Variants in DEPTOR observed in about 807,000 individuals in gnomAD.
DEPTOR encodes DEP domain-containing mTOR-interacting protein.
Under a neutral mutation model 41.6 loss-of-function variants are expected in DEPTOR, and 41 were observed. The ratio of observed to expected loss-of-function variants is 0.98; its 90% CI spans 0.77 to 1.28. The LOEUF (loss-of-function observed/expected upper bound fraction) is 1.28. Ranked by LOEUF, DEPTOR falls within the 50% of genes most tolerant of loss-of-function variation. DEPTOR has a pLI of 0.00. For missense variants in DEPTOR, 514 were observed against 527.9 expected, an observed-to-expected ratio of 0.97 and a Z score of 0.26; for synonymous variants, 195 against 192.3, an observed-to-expected ratio of 1.01 and a Z score of -0.12.
At chr8:120,006,965 A>G in intron 7 of DEPTOR, 90 bp downstream of exon 7, 1 of 1,227,258 alleles carries the variant, frequency 8.1e-7, no homozygotes, top group Non-Finnish European at 1.2e-6. Flanking sequence ...GACTGAAATG[A>G]AAACTACTTT....
chr8:119,892,937 C>T (rs1827470221), intron 1 of DEPTOR, among the ~76,000 whole-genome samples: 4 of 152,142 alleles, frequency 2.6e-5, no homozygotes, highest in African/African-American at 7.2e-5. Context: ...CACACGCCAC[C>T]ATGCCCGGCT....
At chr8:119,913,771 A>G (rs927116899) in intron 1 of DEPTOR, among the ~76,000 whole-genome samples, 1 of 152,174 alleles carries the variant, frequency 6.6e-6, no homozygotes, top group Non-Finnish European at 1.5e-5. Context: ...TACCTAAACC[A>G]GCAATGCACA....
At chr8:119,874,205 C>A in intron 1 of DEPTOR, 1 of 583,256 alleles carries the variant, frequency 1.7e-6, no homozygotes, top group Non-Finnish European at 2.8e-6. Flanking sequence ...GGGTGGTGCG[C>A]GCTGCGCCCT....
intron 3 of DEPTOR, among the ~76,000 whole-genome samples, 170 bp downstream of exon 3, chr8:119,930,108 A>C (rs1828022758): frequency 6.6e-6 from 1 of 152,246 alleles, no homozygotes; most frequent in South Asian, 2.1e-4. Flanking sequence ...TTGCCAGAAA[A>C]TAAGTCAATT....
chr8:120,006,506 A>G (rs2130095288), intron 6 of DEPTOR, among the ~76,000 whole-genome samples: 1 of 151,842 alleles, frequency 6.6e-6, no homozygotes, highest in African/African-American at 2.4e-5. Flanking sequence ...CCTGGGTGAC[A>G]AGGGCAAAAC....
intron 1 of DEPTOR, among the ~76,000 whole-genome samples, chr8:119,890,157 G>C (rs1827433544): frequency 6.6e-6 from 1 of 152,136 alleles, no homozygotes; most frequent in African/African-American, 2.4e-5. Context: ...TCAAGACAAG[G>C]TTTCCCAGGC....
intron 3 of DEPTOR, among the ~76,000 whole-genome samples, chr8:119,955,384 T>C (rs796598285): frequency 2.0e-5 from 3 of 151,886 alleles, no homozygotes; most frequent in Non-Finnish European, 4.4e-5. Flanking sequence ...AACTTGCTAC[T>C]TACGTTTTCT....
At chr8:120,000,996 G>T (rs1482908241) in intron 4 of DEPTOR, among the ~76,000 whole-genome samples, 3 of 151,836 alleles carry the variant, frequency 2.0e-5, no homozygotes, top group African/African-American at 7.3e-5. Context: ...AGAATCGCTT[G>T]AACCTGGGAG....
intron 8 of DEPTOR, among the ~76,000 whole-genome samples, chr8:120,021,457 T>G (rs2130138039): frequency 6.6e-6 from 1 of 152,320 alleles, no homozygotes; most frequent in Non-Finnish European, 1.5e-5. Context: ...CAGTAGCTGC[T>G]GCATAATCAA....
intron 1 of DEPTOR, among the ~76,000 whole-genome samples, chr8:119,905,708 T>G (rs2129766485): frequency 6.6e-6 from 1 of 151,362 alleles, no homozygotes; most frequent in East Asian, 2.0e-4. Flanking sequence ...TGGTATGATC[T>G]CGGCTTACTA....
chr8:120,035,539 T>G (rs138436991), intron 8 of DEPTOR, among the ~76,000 whole-genome samples: 2 of 152,186 alleles, frequency 1.3e-5, no homozygotes, highest in African/African-American at 4.8e-5. Context: ...CACAGAATCT[T>G]GTGGTTATAG....
At chr8:119,921,483 A>G (rs1168857236) in intron 1 of DEPTOR, among the ~76,000 whole-genome samples, 1 of 152,188 alleles carries the variant, frequency 6.6e-6, no homozygotes, top group Non-Finnish European at 1.5e-5. Context: ...ATAATAGCAC[A>G]GTTCTTATAG....
At chr8:120,008,546 G>T (rs1010180686) in intron 7 of DEPTOR, among the ~76,000 whole-genome samples, 1 of 86,006 alleles carries the variant, frequency 1.2e-5, no homozygotes. Flanking sequence ...AAAAAAAAAA[G>T]CCAGGTCTCT....
intron 1 of DEPTOR, among the ~76,000 whole-genome samples, chr8:119,915,964 A>T (rs868789074): frequency 2.3e-4 from 34 of 146,220 alleles, no homozygotes; most frequent in African/African-American, 7.9e-4. Context: ...AAAAAAAAAA[A>T]AAAGCTGAAA....
At chr8:119,938,076 C>T (rs182174209) in intron 3 of DEPTOR, among the ~76,000 whole-genome samples, 208 of 152,248 alleles carry the variant, frequency 1.4e-3, no homozygotes, top group Non-Finnish European at 2.1e-3. Flanking sequence ...AGTGCTTCTG[C>T]TTATAAGACA....
At chr8:119,930,966 C>A (rs931182087) in intron 3 of DEPTOR, among the ~76,000 whole-genome samples, 1 of 152,102 alleles carries the variant, frequency 6.6e-6, no homozygotes, top group Non-Finnish European at 1.5e-5. Flanking sequence ...AATCCTAGCA[C>A]TTTGGGAGGC....
chr8:119,930,089 G>A, intron 3 of DEPTOR, 151 bp downstream of exon 3: 1 of 920,228 alleles, frequency 1.1e-6, no homozygotes, highest in Non-Finnish European at 1.5e-6. Flanking sequence ...TCAAGCATTT[G>A]CTGTCTCTTT....
intron 3 of DEPTOR, among the ~76,000 whole-genome samples, chr8:119,942,593 G>A (rs1002224440): frequency 6.6e-6 from 1 of 152,152 alleles, no homozygotes; most frequent in Non-Finnish European, 1.5e-5. Context: ...GGCTACTTCC[G>A]CCAAGTTTTC....
intron 3 of DEPTOR, among the ~76,000 whole-genome samples, chr8:119,932,919 G>T (rs902376502): frequency 6.6e-6 from 1 of 152,152 alleles, no homozygotes; most frequent in Admixed American, 6.5e-5. Context: ...GAATGTGCTG[G>T]ACATATTTAA....
Sources: gnomAD v4.1 joint callset for allele counts (sites outside exome capture counted in the v4.1 genomes callset) on GRCh38, gnomAD v4.1.1 for gene constraint, MANE v1.5 for transcripts, NCBI Gene and HGNC (gene_info 2026-07-23, HGNC 2026-07-21) for gene names.